FHIP2A: variants seen among roughly 807,000 people sequenced by gnomAD.
The protein encoded by FHIP2A is family with sequence similarity 160 member B1.
In FHIP2A, 46 loss-of-function variants were observed where a neutral mutation model predicts 93.5. The ratio of observed to expected loss-of-function variants is 0.49; its 90% confidence interval spans 0.39 to 0.63. The LOEUF (loss-of-function observed/expected upper bound fraction) is 0.63. Ranked by LOEUF, FHIP2A falls within the 20% of genes least tolerant of loss-of-function variation. The pLI is 0.00. For synonymous variants in FHIP2A, 332 were observed against 326.5 expected (o/e 1.02, Z -0.18); for missense variants, 769 against 909.7 (o/e 0.85, Z 1.99).
chr10:114,879,736 A>G (rs2083907489), intron 16 of FHIP2A, among the ~76,000 whole-genome samples: 1 of 152,154 alleles, frequency 6.6e-6, no homozygotes. Flanking sequence ...TCTGTCACCC[A>G]GGCTGGAGTG....
At chr10:114,869,114 C>A (rs1423023373), downstream of FHIP2A, among the ~76,000 whole-genome samples, 1 of 152,138 alleles carries the variant, frequency 6.6e-6, no homozygotes, top group East Asian at 1.9e-4. Flanking sequence ...AGATGACATA[C>A]AAATTCACTA....
At chr10:114,890,944 C>A (rs1439543570) in intron 16 of FHIP2A, among the ~76,000 whole-genome samples, 1 of 151,206 alleles carries the variant, frequency 6.6e-6, no homozygotes, top group Non-Finnish European at 1.5e-5. Context: ...CCTGTAATCC[C>A]AGCACTTTGG....
At chr10:114,826,722 A>T (rs2083578753) in intron 1 of FHIP2A, among the ~76,000 whole-genome samples, 1 of 152,188 alleles carries the variant, frequency 6.6e-6, no homozygotes, top group African/African-American at 2.4e-5. Flanking sequence ...CATCAGGCAC[A>T]GTGGCTCACA....
In FHIP2A at chr10:114,861,895, G is replaced by A. The variant is rs997869504; in HGVS notation, c.*355G>A. ...TGTTATATTAATGTCCTTTTAGGTA[G>A]CAAGGCATTTTGACATTCTCTGGGA... On this transcript the variant is annotated 3_prime_UTR_variant, in exon 17 of 17. Coordinates refer to ENST00000369248, the MANE Select transcript of FHIP2A (RefSeq NM_020940.4). 1.0e-6 allele frequency: 1 copy of A among 990,144 alleles called. No individual in the cohort carries two copies. The highest frequency in any genetic ancestry group is 1.2e-6 in the Non-Finnish European group (1 of 832,980). 61.3% of individuals were successfully genotyped at this position (990,144 alleles called of 1,614,324 possible).
rs560689517 is a variant in FHIP2A at position 114,837,387 on chromosome 10, C to T, written c.522+1141C>T. On this transcript the variant is annotated intron_variant, in intron 5 of 16. Coordinates refer to ENST00000369248, the MANE Select transcript of FHIP2A (RefSeq NM_020940.4). ...AACCTTAGCTGGGTGTGGTAGTGCA[C>T]GCCTGGAATCCCACTTATTTGAGAG... Among the ~76,000 whole-genome samples, 27 of 152,100 alleles carry T rather than the reference C, an allele frequency of 1.8e-4. 1 individual carries two copies. In the East Asian group the frequency reaches 4.1e-3, roughly 23 times the overall value.
In FHIP2A at chr10:114,861,646, A is replaced by T; in HGVS notation, c.*106A>T. 6.8e-7 allele frequency: 1 copy of T among 1,479,516 alleles called. No individual in the cohort carries two copies. Among genetic ancestry groups the T allele is most frequent in the Non-Finnish European group, 8.9e-7 (1 of 1,121,876 alleles). 91.6% of individuals were successfully genotyped at this position (1,479,516 alleles called of 1,614,324 possible). A position where few individuals can be genotyped will look rare whatever the true frequency, so the allele number is the denominator to read the frequency against. ...GAGGATAAAAAGCCTTTTTAAACGCAGTATTGCTGTAAACTGGACAGAACC... is the reference window on the plus strand; with the variant it reads ...GAGGATAAAAAGCCTTTTTAAACGCTGTATTGCTGTAAACTGGACAGAACC... On this transcript the variant is annotated 3_prime_UTR_variant, in exon 17 of 17. Coordinates refer to ENST00000369248, the MANE Select transcript of FHIP2A (RefSeq NM_020940.4).
At chr10:114,827,625 G>A (rs1207816269) in intron 1 of FHIP2A, among the ~76,000 whole-genome samples, 3 of 152,018 alleles carry the variant, frequency 2.0e-5, no homozygotes, top group Non-Finnish European at 4.4e-5. Flanking sequence ...GTGAAACCCT[G>A]TCTCTACTAA....
chr10:114,822,297 C>G (rs2083533237), intron 1 of FHIP2A, among the ~76,000 whole-genome samples, 174 bp downstream of exon 1: 1 of 151,346 alleles, frequency 6.6e-6, no homozygotes, highest in Non-Finnish European at 1.5e-5. Context: ...TGGGGGCGCC[C>G]GGGGCCTCGG....
At chr10:114,843,303 T>C in intron 6 of FHIP2A, 77 bp downstream of exon 6, 1 of 996,454 alleles carries the variant, frequency 1.0e-6, no homozygotes, top group Non-Finnish European at 1.3e-6. Flanking sequence ...TAATTTTAAT[T>C]TTTAATTTAT....
intron 1 of FHIP2A, among the ~76,000 whole-genome samples, chr10:114,823,903 T>C (rs2083558522): frequency 6.6e-6 from 1 of 152,188 alleles, no homozygotes; most frequent in Non-Finnish European, 1.5e-5. Context: ...CCGTAGGCTC[T>C]GCACCTGTGA....
At chr10:114,887,024 A>G (rs967473580) in intron 16 of FHIP2A, among the ~76,000 whole-genome samples, 67 of 152,280 alleles carry the variant, frequency 4.4e-4, no homozygotes, top group African/African-American at 1.5e-3. Context: ...GACTTGAAGC[A>G]TCATGTCTGT....
intron 16 of FHIP2A, among the ~76,000 whole-genome samples, chr10:114,887,728 G>A (rs1205635564): frequency 6.6e-6 from 1 of 152,212 alleles, no homozygotes; most frequent in East Asian, 1.9e-4. Flanking sequence ...ATGATTTAAA[G>A]ATTTCTTTGT....
At chr10:114,825,341 A>G (rs1414698853) in intron 1 of FHIP2A, among the ~76,000 whole-genome samples, 1 of 152,194 alleles carries the variant, frequency 6.6e-6, no homozygotes, top group Non-Finnish European at 1.5e-5. Context: ...TAGTTTTTTT[A>G]GTGTTGACTG....
downstream of FHIP2A, among the ~76,000 whole-genome samples, chr10:114,868,016 T>G (rs2083839125): frequency 6.6e-6 from 1 of 151,508 alleles, no homozygotes; most frequent in East Asian, 1.9e-4. Context: ...ATCAGCTCAC[T>G]GCAGCCTCAA....
rs570595192 is a variant in FHIP2A at position 114,833,333 on chromosome 10, A to G, written c.225A>G (p.Thr75=). ...AAAATGAACGGGAATCTGGAGAGAC[A>G]GGGCCATGTATGGAATATTTGCTTC... The part of the protein sequence containing the change: ...QEENERESGE[T]GPCMEYLLHH... Residue 75 remains threonine (T), a synonymous_variant, in exon 3 of 17, where the codon ACA becomes ACG. Transcript: ENST00000369248. 1.3e-5 allele frequency: 21 copies of G among 1,614,000 alleles called. No homozygotes were observed. In the African/African-American group the frequency reaches 2.8e-4, roughly 22 times the overall value.
chr10:114,898,010 T>A (rs2084009286), intron 16 of FHIP2A, among the ~76,000 whole-genome samples: 1 of 152,228 alleles, frequency 6.6e-6, no homozygotes. Flanking sequence ...TGTTCATTTT[T>A]ACAAAGGGAA....
chr10:114,858,621 A>AT (rs1167712003), intron 14 of FHIP2A, among the ~76,000 whole-genome samples: 3 of 135,832 alleles, frequency 2.2e-5, no homozygotes, highest in African/African-American at 8.3e-5. Flanking sequence ...CTTTTAAATT[A>AT]TTTTTTGTAA....
At chr10:114,851,102 T>A (rs1400919830) in intron 13 of FHIP2A, among the ~76,000 whole-genome samples, 1 of 152,078 alleles carries the variant, frequency 6.6e-6, no homozygotes, top group Non-Finnish European at 1.5e-5. Flanking sequence ...TTAGTAGAGA[T>A]GGAGTTTCAC....
At chr10:114,834,302 A>G (rs889429610) in intron 3 of FHIP2A, among the ~76,000 whole-genome samples, 4 of 152,192 alleles carry the variant, frequency 2.6e-5, no homozygotes, top group African/African-American at 9.7e-5. Flanking sequence ...ATATTCTGCA[A>G]CTCATTCTCC....
Sources: gnomAD v4.1 joint callset for allele counts (sites outside exome capture counted in the v4.1 genomes callset) on GRCh38, gnomAD v4.1.1 for gene constraint, MANE v1.5 for transcripts, NCBI Gene and HGNC (gene_info 2026-07-23, HGNC 2026-07-21) for gene names.